RAPGEF5: variants seen among roughly 807,000 people sequenced by gnomAD.
The protein encoded by RAPGEF5 is Rap guanine nucleotide exchange factor 5, also known as M-Ras-regulated GEF.
Under a neutral mutation model 125.2 loss-of-function variants are expected in RAPGEF5, and 65 were observed. The ratio of observed to expected loss-of-function variants is 0.52; its 90% CI spans 0.43 to 0.64. RAPGEF5 has a LOEUF of 0.64. RAPGEF5 is among the 30% of genes least tolerant of loss of function. RAPGEF5 has a pLI of 0.00. For synonymous variants in RAPGEF5, 391 were observed against 385.9 expected (o/e 1.01, Z -0.16); for missense variants, 958 against 1,048.1 (o/e 0.91, Z 1.19).
intron 16 of RAPGEF5, among the ~76,000 whole-genome samples, chr7:22,156,077 C>T (rs1783797256): frequency 6.6e-6 from 1 of 152,164 alleles, no homozygotes; most frequent in Admixed American, 6.5e-5. Context: ...AATAAGCATC[C>T]TTGTGACTTC....
At chr7:22,339,770 G>C (rs1784091799) in intron 1 of RAPGEF5, among the ~76,000 whole-genome samples, 1 of 152,142 alleles carries the variant, frequency 6.6e-6, no homozygotes, top group Admixed American at 6.5e-5. Context: ...AAATGAAACT[G>C]GTTTTGACTT....
Position 22,309,763 on chromosome 7 carries a change from A to G in RAPGEF5, c.511+206T>C, listed in dbSNP as rs1019607872. Among the ~76,000 whole-genome samples the G allele has an allele frequency of 1.2e-4, 19 of 152,248 alleles. 1 individual carries two copies. The highest frequency in any genetic ancestry group is 3.4e-4 in the African/African-American group (14 of 41,462). ...AGGTAATATTAGTCTATGAATCAGC[A>G]AGTATCTAATAATTTTTGCAAGAAT... On this transcript the variant is annotated intron_variant, in intron 4 of 25. Transcript: ENST00000665637.
At chr7:22,202,267 G>A (rs1488967935) in intron 9 of RAPGEF5, among the ~76,000 whole-genome samples, 1 of 152,150 alleles carries the variant, frequency 6.6e-6, no homozygotes, top group Non-Finnish European at 1.5e-5. Flanking sequence ...GGTCTTTGGA[G>A]CCAGTTTTCA....
intron 20 of RAPGEF5, 41 bp downstream of exon 20, chr7:22,145,003 A>C (rs771362897): frequency 9.4e-6 from 15 of 1,590,082 alleles, no homozygotes; most frequent in Non-Finnish European, 1.3e-5. Context: ...TACTCTCTCA[A>C]GAAGACTAGA....
intron 9 of RAPGEF5, among the ~76,000 whole-genome samples, chr7:22,207,488 T>C (rs1328784952): frequency 6.6e-6 from 1 of 152,100 alleles, no homozygotes; most frequent in African/African-American, 2.4e-5. Flanking sequence ...GAAATAGTGG[T>C]TTATCATTAA....
At chr7:22,345,337 G>A (rs558672124) in intron 1 of RAPGEF5, among the ~76,000 whole-genome samples, 23 of 152,270 alleles carry the variant, frequency 1.5e-4, no homozygotes, top group African/African-American at 5.5e-4. Context: ...GCTCTTCAGA[G>A]AGACTAACTC....
At position 22,121,056 on chromosome 7, in the gene RAPGEF5, C is replaced by G. The variant is rs1317720393; in HGVS notation, c.*1350G>C. The stretch of plus-strand genomic sequence containing the variant: ...TGCATTTTAGCAAGGTGACAAGTAT[C>G]TAGCAGGCAGGGGTGGATTTCATTA... On this transcript the variant is annotated 3_prime_UTR_variant, in exon 26 of 26. Coordinates refer to ENST00000665637, the MANE Select transcript of RAPGEF5 (RefSeq NM_012294.5). The G allele has an allele frequency of 6.6e-6, 1 of 152,116 alleles. No homozygotes were observed. The highest frequency in any genetic ancestry group is 1.5e-5 in the Non-Finnish European group (1 of 68,020). The allele number at this position is 152,116 out of a possible 1,614,324, so 9.4% of individuals were successfully genotyped here.
At chr7:22,138,559 A>T (rs548125495) in intron 21 of RAPGEF5, among the ~76,000 whole-genome samples, 26 of 152,164 alleles carry the variant, frequency 1.7e-4, no homozygotes, top group Non-Finnish European at 3.1e-4. Context: ...CACTCCAGTA[A>T]CTCTCAGCTG....
intron 6 of RAPGEF5, 124 bp from the exon 7 acceptor site, chr7:22,267,136 GC>G: frequency 2.2e-6 from 2 of 901,246 alleles, no homozygotes; most frequent in Non-Finnish European, 3.3e-6. Context: ...TAAGTTTGCT[GC>G]CAGCACTTTT....
At position 22,180,788 on chromosome 7, in the gene RAPGEF5, A is replaced by G. The variant is rs996471729; in HGVS notation, c.1204+12579T>C. On this transcript the variant is annotated intron_variant, in intron 11 of 25. Coordinates refer to ENST00000665637, the MANE Select transcript of RAPGEF5 (RefSeq NM_012294.5). ...AGGAGTGTTAAGAATACTTAACAAT[A>G]TTAATTCATCCTGATCTCACTACTG... Among the ~76,000 whole-genome samples the G allele has an allele frequency of 3.3e-4, 50 of 152,342 alleles. 3 individuals are homozygous for G. Among genetic ancestry groups the G allele is most frequent in the African/African-American group, 9.9e-4 (41 of 41,592 alleles).
chr7:22,169,264 G>A (rs1784267387), intron 11 of RAPGEF5, among the ~76,000 whole-genome samples: 1 of 152,100 alleles, frequency 6.6e-6, no homozygotes, highest in African/African-American at 2.4e-5. Context: ...AACAAGGCAC[G>A]GGAAGGTTTA....
At chr7:22,316,460 C>CATATATATATATATAT (rs757768702) in intron 2 of RAPGEF5, among the ~76,000 whole-genome samples, 1 of 92,740 alleles carries the variant, frequency 1.1e-5, no homozygotes, top group African/African-American at 4.6e-5. Context: ...TATACATAGA[C>CATATATATATATATAT]ATATATATAT....
intron 8 of RAPGEF5, among the ~76,000 whole-genome samples, chr7:22,221,713 C>T (rs149396909): frequency 1.6e-3 from 238 of 152,292 alleles, no homozygotes; most frequent in African/African-American, 5.6e-3. Context: ...GCTCTTCCTT[C>T]GCCTTTTGCC....
intron 6 of RAPGEF5, among the ~76,000 whole-genome samples, chr7:22,289,361 G>A (rs1583551773): frequency 6.6e-6 from 1 of 152,166 alleles, no homozygotes; most frequent in East Asian, 1.9e-4. Flanking sequence ...TCTGACTCTT[G>A]TTTTGTTCTT....
At chr7:22,212,569 G>A (rs1453280212) in intron 9 of RAPGEF5, among the ~76,000 whole-genome samples, 2 of 111,788 alleles carry the variant, frequency 1.8e-5, no homozygotes, top group Non-Finnish European at 4.3e-5. Flanking sequence ...TTTACTTCTT[G>A]ATATCTCTTC....
chr7:22,244,213 T>C (rs1416792040), intron 7 of RAPGEF5, among the ~76,000 whole-genome samples: 2 of 152,092 alleles, frequency 1.3e-5, no homozygotes, highest in Admixed American at 1.3e-4. Context: ...TATATACATA[T>C]ATATATACAC....
intron 5 of RAPGEF5, among the ~76,000 whole-genome samples, chr7:22,297,910 T>G (rs1396977408): frequency 6.6e-6 from 1 of 152,184 alleles, no homozygotes; most frequent in East Asian, 1.9e-4. Flanking sequence ...TCTTATCAGA[T>G]TGAGGAAGTT....
rs1782402716 is a variant in RAPGEF5, at chr7:22,270,967, A to G, written c.748-3955T>C. Among the ~76,000 whole-genome samples, 5 of 152,318 alleles carry G rather than the reference A, an allele frequency of 3.3e-5. 1 individual carries two copies. The South Asian group carries it at 1.0e-3, about 32-fold the overall frequency. On this transcript the variant is annotated intron_variant, in intron 6 of 25. Coordinates refer to ENST00000665637, the MANE Select transcript of RAPGEF5 (RefSeq NM_012294.5). ...ACTTTTGTTTTTCAGAGTTTTTCTA[A>G]TGTAGGACTGTGAATAAGGGACTGT...
At chr7:22,220,149 A>G in intron 8 of RAPGEF5, 158 bp from the exon 9 acceptor site, 1 of 932,566 alleles carries the variant, frequency 1.1e-6, no homozygotes, top group Non-Finnish European at 1.6e-6. Context: ...TTGAAGTTAC[A>G]TTATTATAAC....
Sources: allele counts gnomAD v4.1 joint callset (sites outside exome capture counted in the v4.1 genomes callset), GRCh38; gene constraint gnomAD v4.1.1; transcripts MANE v1.5; gene names NCBI Gene and HGNC (gene_info 2026-07-23, HGNC 2026-07-21).